Variants in TLE2 observed in about 807,000 individuals in gnomAD.
TLE2 encodes transducin-like enhancer protein 2.
TLE2 carries 74 observed loss-of-function variants against 97.2 expected under a neutral mutation model. The ratio of observed to expected loss-of-function variants is 0.76; its 90% CI spans 0.63 to 0.92. The LOEUF is 0.92. Among genes scored for constraint, TLE2 ranks in the 40% least tolerant of loss-of-function variants. The pLI is 0.00. For missense variants in TLE2, 1,038 were observed against 1,008.7 expected (o/e 1.03, Z -0.39); for synonymous variants, 499 against 432.1 (o/e 1.15, Z -1.92).
At chr19:3,041,014 T>TATATATATATATGTATA (rs55998855) in intron 1 of TLE2, among the ~76,000 whole-genome samples, 3 of 20,160 alleles carry the variant, frequency 1.5e-4, no homozygotes, top group Admixed American at 8.3e-4. Context: ...TATATATATA[T>TATATATATATATGTATA]TTTTTTTTTT....
intron 1 of TLE2, among the ~76,000 whole-genome samples, chr19:3,038,469 TCA>T (rs775708572): frequency 9.2e-5 from 14 of 152,220 alleles, no homozygotes; most frequent in Non-Finnish European, 1.8e-4. Context: ...TCCCTCAGCT[TCA>T]CAGAGTGCTG....
intron 11 of TLE2, among the ~76,000 whole-genome samples, chr19:3,012,334 G>A (rs1337728636): frequency 6.6e-6 from 1 of 151,188 alleles, no homozygotes. Context: ...TCCCGACTGA[G>A]CCTCCCAAGT....
intron 1 of TLE2, among the ~76,000 whole-genome samples, chr19:3,034,408 C>G (rs1599252774): frequency 6.6e-6 from 1 of 151,880 alleles, no homozygotes; most frequent in Non-Finnish European, 1.5e-5. Flanking sequence ...ACTGGAACCT[C>G]TGCAACCCTG....
chr19:2,999,923 C>T (rs1194987846), intron 19 of TLE2, among the ~76,000 whole-genome samples: 1 of 150,192 alleles, frequency 6.7e-6, no homozygotes, highest in African/African-American at 2.4e-5. Context: ...ATCCCAGCTA[C>T]TCGGGAGGCT....
In TLE2 at chr19:3,009,016, C is replaced by T. The variant is rs2089535187; in HGVS notation, c.1174-71G>A. 21 of 1,226,984 alleles carry T rather than the reference C, an allele frequency of 1.7e-5. No homozygotes were observed. In the South Asian group the frequency reaches 2.5e-4, roughly 14 times the overall value. 76.0% of individuals were successfully genotyped at this position (1,226,984 alleles called of 1,614,324 possible). A position where few individuals can be genotyped will look rare whatever the true frequency, so the allele number is the denominator to read the frequency against. ...CCACCTCTGTGCCACCCCACGCCCA[C>T]CTGCCATACCCCTCTCTGTTTATCA... On this transcript the variant is annotated intron_variant, in intron 13 of 19. Transcript: ENST00000262953.
chr19:3,019,033 G>A lies in TLE2; in HGVS notation c.550+250C>T, dbSNP rs1053692279. Among the ~76,000 whole-genome samples, 2 of 152,028 alleles carry A rather than the reference G, an allele frequency of 1.3e-5. No individual in the cohort carries two copies. The highest frequency in any genetic ancestry group is 2.9e-5 in the Non-Finnish European group (2 of 68,014). ...CCTGCCTCGGCCTCCTAAGTACCTG[G>A]GAATACAGGTGTGCACCATCCCACC... On this transcript the variant is annotated intron_variant, in intron 7 of 19. Transcript: ENST00000262953. The surrounding 1 kb of genome is among the most constrained non-coding windows in gnomAD (Gnocchi z 5.1).
At chr19:3,008,035 T>A (rs547893643) in intron 14 of TLE2, among the ~76,000 whole-genome samples, 1 of 152,148 alleles carries the variant, frequency 6.6e-6, no homozygotes, top group East Asian at 1.9e-4. Flanking sequence ...TGAGCTCAGA[T>A]CTCACCACCG....
chr19:3,026,214 A>C (rs1764493989), intron 4 of TLE2, among the ~76,000 whole-genome samples: 1 of 152,124 alleles, frequency 6.6e-6, no homozygotes, highest in African/African-American at 2.4e-5. Context: ...TGGGAGGCCG[A>C]GGCAGGTGGA....
chr19:3,024,978 CG>C, intron 5 of TLE2, 41 bp downstream of exon 5: 2 of 1,527,192 alleles, frequency 1.3e-6, no homozygotes, highest in Non-Finnish European at 1.8e-6. Context: ...CGTCTTCTTC[CG>C]GCTCCCTTCC....
rs764060284 is a variant in TLE2, at chr19:3,002,341, C to T, written c.2047+12G>A. The T allele has an allele frequency of 6.2e-7, 1 of 1,601,892 alleles. No individual in the cohort carries two copies. Among genetic ancestry groups the T allele is most frequent in the South Asian group, 1.1e-5 (1 of 90,048 alleles). ...GTTTTGAGGGCGTGCCACCCCGCCC[C>T]AGAAGACACACCGCAGGAGGCAAAC... On this transcript the variant is annotated intron_variant, in intron 18 of 19. Coordinates refer to ENST00000262953, the MANE Select transcript of TLE2 (RefSeq NM_003260.5).
chr19:3,011,973 T>TG (rs2089607499), intron 11 of TLE2, among the ~76,000 whole-genome samples: 1 of 148,852 alleles, frequency 6.7e-6, no homozygotes, highest in Non-Finnish European at 1.5e-5. Context: ...AGACAGGCGC[T>TG]GTGGCTCACG....
At chr19:3,023,567 G>T (rs960606629) in intron 5 of TLE2, among the ~76,000 whole-genome samples, 1 of 152,048 alleles carries the variant, frequency 6.6e-6, no homozygotes, top group Non-Finnish European at 1.5e-5. Flanking sequence ...TATCTTTCAC[G>T]TCTCTCTGAA....
At chr19:3,004,350 G>A (rs1252271177) in intron 17 of TLE2, among the ~76,000 whole-genome samples, 1 of 151,922 alleles carries the variant, frequency 6.6e-6, no homozygotes, top group Non-Finnish European at 1.5e-5. Context: ...GACATAAAGA[G>A]CTTGGGAGGG....
chr19:3,000,033 CAAA>C (rs974743198), intron 19 of TLE2, among the ~76,000 whole-genome samples: 1 of 145,202 alleles, frequency 6.9e-6, no homozygotes, highest in Non-Finnish European at 1.5e-5. Context: ...ATTCTGTCTC[CAAA>C]AAAAAAGAAG....
chr19:2,999,348 G>A (rs946933637), intron 19 of TLE2, among the ~76,000 whole-genome samples: 1 of 151,966 alleles, frequency 6.6e-6, no homozygotes, highest in South Asian at 2.1e-4. Flanking sequence ...AACCAGGACG[G>A]GCATATTAAA....
chr19:3,028,762 C>G lies in TLE2; in HGVS notation c.66G>C (p.Leu22Phe), dbSNP rs753090232. 6.2e-7 allele frequency: 1 copy of G among 1,612,926 alleles called. No homozygotes were observed. ...CTTCTTTGATGCGGTCGCAGATCTCCAAGATCGAGAACTTGAAGGGCTGGC... is the reference window on the plus strand; with the variant it reads ...CTTCTTTGATGCGGTCGCAGATCTCGAAGATCGAGAACTTGAAGGGCTGGC... ...QSGQPFKFSI[L>F]EICDRIKEEF... The change falls in exon 2 of 20, where the codon TTG becomes TTC. Residue 22 changes from leucine (L) to phenylalanine (F), a missense_variant. Leu to Phe is a conservative substitution (Grantham distance 22). Coordinates refer to ENST00000262953, the MANE Select transcript of TLE2 (RefSeq NM_003260.5).
Position 3,019,639 on chromosome 19 carries a change from G to A in TLE2, c.369+60C>T. On this transcript the variant is annotated intron_variant, in intron 6 of 19. Transcript: ENST00000262953. This position sits in a 1 kb window ranked among gnomAD's most constrained non-coding sequence, Gnocchi z 5.1. ...CCCAGCTTTAACACCTCCTGGGTGGGTGCCAGGGACCTGGGAGTGGGCGTC... is the reference window on the plus strand; with the variant it reads ...CCCAGCTTTAACACCTCCTGGGTGGATGCCAGGGACCTGGGAGTGGGCGTC... 2 of 1,572,926 alleles carry A rather than the reference G, an allele frequency of 1.3e-6. No homozygotes were observed. Among genetic ancestry groups the A allele is most frequent in the Admixed American group, 1.9e-5 (1 of 53,490 alleles).
chr19:3,024,780 A>C (rs1338046636), intron 5 of TLE2, among the ~76,000 whole-genome samples: 1 of 152,134 alleles, frequency 6.6e-6, no homozygotes, highest in Non-Finnish European at 1.5e-5. Context: ...GCTTCCCATC[A>C]AGGGGGAAAA....
intron 16 of TLE2, 47 bp downstream of exon 16, chr19:3,005,662 CCCCCTGCACCGA>C (rs1361258022): frequency 1.2e-6 from 2 of 1,606,414 alleles, no homozygotes; most frequent in African/African-American, 2.7e-5. Flanking sequence ...CTCCTCCACT[CCCCCTGCACCGA>C]GAGCGGCCGG....
Sources: allele counts gnomAD v4.1 joint callset (sites outside exome capture counted in the v4.1 genomes callset), GRCh38; gene constraint gnomAD v4.1.1; non-coding constraint Gnocchi (gnomAD v3.1); transcripts MANE v1.5; gene names NCBI Gene and HGNC (gene_info 2026-07-23, HGNC 2026-07-21).